ATP6V1E1: variants seen among roughly 807,000 people sequenced by gnomAD.
ATP6V1E1 encodes ATPase H+ transporting V1 subunit E1.
ATP6V1E1 carries 21 observed loss-of-function variants against 35.2 expected under a neutral mutation model. That is an observed-to-expected ratio of 0.60 (90% CI 0.42 to 0.86). ATP6V1E1 has a LOEUF of 0.86. Among genes scored for constraint, ATP6V1E1 ranks in the 40% least tolerant of loss-of-function variants. The pLI, the probability that ATP6V1E1 is intolerant of heterozygous loss-of-function variation, is 0.00. For missense variants in ATP6V1E1, 183 were observed against 272.6 expected (o/e 0.67, Z 2.32); for synonymous variants, 83 against 87.8 (o/e 0.95, Z 0.30).
intron 7 of ATP6V1E1, among the ~76,000 whole-genome samples, chr22:17,597,642 T>C (rs772054475): frequency 1.3e-5 from 2 of 152,022 alleles, no homozygotes; most frequent in African/African-American, 2.4e-5. Context: ...ACTTTTTTTT[T>C]TCTGAGATGC....
chr22:17,625,092 T>C (rs2057897138), intron 1 of ATP6V1E1, among the ~76,000 whole-genome samples: 1 of 152,208 alleles, frequency 6.6e-6, no homozygotes, highest in African/African-American at 2.4e-5. Flanking sequence ...TTTGGTTCTG[T>C]AAGAATATTG....
intron 1 of ATP6V1E1, among the ~76,000 whole-genome samples, chr22:17,623,325 T>C (rs914098832): frequency 1.3e-5 from 2 of 152,150 alleles, no homozygotes; most frequent in African/African-American, 4.8e-5. Context: ...AGAGGGGTCA[T>C]GGTAATGGTG....
At chr22:17,628,789 C>T (rs1473553998), upstream of ATP6V1E1, 6 of 994,852 alleles carry the variant, frequency 6.0e-6, no homozygotes, top group Non-Finnish European at 9.2e-6. Flanking sequence ...CTGCACAGTT[C>T]ATCCTCATGA....
chr22:17,606,238 C>T (rs1320489917), intron 4 of ATP6V1E1, among the ~76,000 whole-genome samples: 1 of 152,180 alleles, frequency 6.6e-6, no homozygotes, highest in Non-Finnish European at 1.5e-5. Context: ...CCCTTCCTTC[C>T]ATCTTTTGTC....
intron 2 of ATP6V1E1, among the ~76,000 whole-genome samples, chr22:17,616,379 C>T (rs1285583898): frequency 6.7e-6 from 1 of 149,292 alleles, no homozygotes; most frequent in Non-Finnish European, 1.5e-5. Flanking sequence ...ATATTTGAGA[C>T]AGAAATGCAT....
In ATP6V1E1 at chr22:17,628,641, G is replaced by A; in HGVS notation, c.-6C>T. ...TCAGCATCGCTGAGAGCCATGGCGA[G>A]AGCAATGCTAGGCCGGTGAACAGTA... On this transcript the variant is annotated 5_prime_UTR_variant, in exon 1 of 9. Transcript: ENST00000253413. 6.2e-7 allele frequency: 1 copy of A among 1,614,200 alleles called. No homozygotes were observed.
chr22:17,602,574 A>G (rs887245183), intron 4 of ATP6V1E1, among the ~76,000 whole-genome samples: 1 of 151,886 alleles, frequency 6.6e-6, no homozygotes, highest in African/African-American at 2.4e-5. Flanking sequence ...ATGGGGTTGC[A>G]CCGTGTTAGC....
intron 1 of ATP6V1E1, among the ~76,000 whole-genome samples, chr22:17,626,307 C>CAAAAAAAAA (rs928655426): frequency 1.5e-4 from 9 of 61,812 alleles, no homozygotes; most frequent in Admixed American, 1.9e-4. Flanking sequence ...GACTTCGTCT[C>CAAAAAAAAA]AAAAAAAAAA....
chr22:17,594,822 T>C (rs915763665), intron 7 of ATP6V1E1: 1 of 392,272 alleles, frequency 2.5e-6, no homozygotes, highest in African/African-American at 2.1e-5. Flanking sequence ...AGATGTCCAT[T>C]ATATGAAACA....
chr22:17,620,661 C>T (rs2057871697), intron 1 of ATP6V1E1, among the ~76,000 whole-genome samples: 1 of 152,206 alleles, frequency 6.6e-6, no homozygotes, highest in Admixed American at 6.5e-5. Context: ...CCCCACTTCT[C>T]ACTTTGAGCT....
At chr22:17,621,396 G>A (rs1486475817) in intron 1 of ATP6V1E1, among the ~76,000 whole-genome samples, 1 of 152,054 alleles carries the variant, frequency 6.6e-6, no homozygotes, top group Admixed American at 6.6e-5. Context: ...TTTGACCTCC[G>A]CCTTCTACAG....
intron 4 of ATP6V1E1, 181 bp downstream of exon 4, chr22:17,612,631 C>T (rs2057820959): frequency 1.7e-6 from 1 of 585,886 alleles, no homozygotes; most frequent in Non-Finnish European, 3.0e-6. Context: ...CTCTTTAGAT[C>T]AGAAGGTCCT....
chr22:17,613,244 T>C lies in ATP6V1E1; in HGVS notation c.176A>G (p.Lys59Arg). 6.2e-7 allele frequency: 1 copy of C among 1,612,656 alleles called. No homozygotes were observed. Among genetic ancestry groups the C allele is most frequent in the Non-Finnish European group, 8.5e-7 (1 of 1,179,744 alleles). Residue 59 changes from lysine (K) to arginine (R), a missense_variant, in exon 3 of 9, where the codon AAG becomes AGG. Coordinates refer to ENST00000253413, the MANE Select transcript of ATP6V1E1 (RefSeq NM_001696.4). ...CTGCTGCTCAATCTGTTTCTCTTTC[T>C]TCTCATAATATTCCATAATCTTTAG... ...QRLKIMEYYE[K>R]KEKQIEQQKK...
At chr22:17,608,126 C>T (rs1391530531) in intron 4 of ATP6V1E1, among the ~76,000 whole-genome samples, 2 of 152,182 alleles carry the variant, frequency 1.3e-5, no homozygotes, top group Admixed American at 6.5e-5. Context: ...TCCTATTAGA[C>T]TGCAGACTCC....
chr22:17,599,979 A>AAGGGAGG, intron 6 of ATP6V1E1, 48 bp downstream of exon 6: 1 of 1,208,872 alleles, frequency 8.3e-7, no homozygotes, highest in East Asian at 3.8e-5. Flanking sequence ...GGAAGGAAGA[A>AAGGGAGG]AGGGAGGGGG....
At chr22:17,613,041 T>A in intron 3 of ATP6V1E1, 163 bp from the exon 4 acceptor site, 2 of 890,452 alleles carry the variant, frequency 2.2e-6, no homozygotes, top group Non-Finnish European at 3.5e-6. Context: ...CTTTGAATAA[T>A]CCTGTCAGGC....
rs766276372 is a variant in ATP6V1E1, at chr22:17,592,664, T to A, written c.*10A>T. ...AGGAGAGCTGACGACGAGCTCCACC[T>A]CCTGAAGGCTTAGTCCAAAAACTTC... On this transcript the variant is annotated 3_prime_UTR_variant, in exon 9 of 9. Transcript: ENST00000253413. 3.7e-6 allele frequency: 6 copies of A among 1,613,726 alleles called. No individual in the cohort carries two copies. The South Asian group carries it at 6.6e-5, about 18-fold the overall frequency.
chr22:17,601,103 G>A lies in ATP6V1E1; in HGVS notation c.355C>T (p.Leu119=). 1 of 1,612,992 alleles carries A rather than the reference G, an allele frequency of 6.2e-7. No homozygotes were observed. Among genetic ancestry groups the A allele is most frequent in the Non-Finnish European group, 8.5e-7 (1 of 1,179,702 alleles). Residue 119 remains leucine, a synonymous_variant, in exon 5 of 9, where the codon CTG becomes TTG. Coordinates refer to ENST00000253413, the MANE Select transcript of ATP6V1E1 (RefSeq NM_001696.4). ...GTCTATGAGGGTACCTGGAGAACCAGTCCATCCAGCAGCACTTGGTACCTG... is the reference window on the plus strand; with the variant it reads ...GTCTATGAGGGTACCTGGAGAACCAATCCATCCAGCAGCACTTGGTACCTG... ...TTRYQVLLDG[L]VLQGLYQLLE...
At chr22:17,621,585 G>A (rs1009285711) in intron 1 of ATP6V1E1, among the ~76,000 whole-genome samples, 6 of 152,080 alleles carry the variant, frequency 3.9e-5, no homozygotes, top group African/African-American at 7.2e-5. Flanking sequence ...GTGAGTCACC[G>A]TACTCAGCCC....
Sources: allele counts gnomAD v4.1 joint callset (sites outside exome capture counted in the v4.1 genomes callset), GRCh38; gene constraint gnomAD v4.1.1; transcripts MANE v1.5; gene names NCBI Gene and HGNC (gene_info 2026-07-23, HGNC 2026-07-21).